The following MTUS1 variants were observed in gnomAD, a reference collection of about 807,000 sequenced individuals.
MTUS1 encodes microtubule associated scaffold protein 1.
MTUS1 carries 109 observed loss-of-function variants against 120.8 expected under a neutral mutation model. The ratio of observed to expected loss-of-function variants is 0.90; its 90% confidence interval spans 0.77 to 1.06. MTUS1 has a LOEUF of 1.06. MTUS1 is among the 50% of genes least tolerant of loss of function. The pLI, the probability that MTUS1 is intolerant of heterozygous loss-of-function variation, is 0.00. For missense variants in MTUS1, 2,210 were observed against 1,486.3 expected (o/e 1.49, Z -8.01); for synonymous variants, 737 against 550.5 (o/e 1.34, Z -4.74).
chr8:17,653,690 T>A, intron 10 of MTUS1, 192 bp from the exon 11 acceptor site: 1 of 510,980 alleles, frequency 2.0e-6, no homozygotes, highest in East Asian at 3.5e-5. Flanking sequence ...GGGTAGACAT[T>A]CCCATTTTAT....
At chr8:17,662,849 A>G (rs1180195712) in intron 8 of MTUS1, among the ~76,000 whole-genome samples, 1 of 151,912 alleles carries the variant, frequency 6.6e-6, no homozygotes, top group Non-Finnish European at 1.5e-5. Context: ...AAAGAGAAAA[A>G]AAAAAAAAGA....
At position 17,707,917 on chromosome 8, in the gene MTUS1, A is replaced by T. The variant is rs150861890; in HGVS notation, c.2623+5297T>A. 7.9e-5 allele frequency among the ~76,000 whole-genome samples: 12 copies of T among 152,344 alleles called. No homozygotes were observed. In the Middle Eastern group the frequency reaches 0.014, roughly 173 times the overall value. Reference sequence around the variant, plus strand: ...CCTGGATGTCCATGTGCAAAAAAGAATTAGACCTTCTATCTCATACCATAT... The same window carrying T: ...CCTGGATGTCCATGTGCAAAAAAGATTTAGACCTTCTATCTCATACCATAT... On this transcript the variant is annotated intron_variant, in intron 6 of 14. Coordinates refer to ENST00000693296, the MANE Select transcript of MTUS1 (RefSeq NM_001363059.2).
At chr8:17,711,378 T>A (rs1437800632) in intron 6 of MTUS1, among the ~76,000 whole-genome samples, 1 of 152,232 alleles carries the variant, frequency 6.6e-6, no homozygotes, top group Non-Finnish European at 1.5e-5. Flanking sequence ...CATCAGCACT[T>A]GCTGCTTCGC....
intron 12 of MTUS1, chr8:17,651,658 C>T (rs1473037517): frequency 6.6e-6 from 1 of 152,056 alleles, no homozygotes; most frequent in African/African-American, 2.4e-5. Context: ...ATTTTCTCCT[C>T]CTCCTCTGCC....
At chr8:17,717,679 T>C (rs1051050284) in intron 4 of MTUS1, among the ~76,000 whole-genome samples, 1 of 152,138 alleles carries the variant, frequency 6.6e-6, no homozygotes, top group African/African-American at 2.4e-5. Flanking sequence ...AAGAGATCAG[T>C]AAAAAGATTT....
rs773731395 is a variant in MTUS1 at position 17,723,726 on chromosome 8, T to C, written c.2395A>G (p.Ser799Gly). The change falls in exon 4 of 15, where the codon AGC becomes GGC. Residue 799 changes from serine to glycine, a missense_variant. By Grantham distance (56) the Ser-to-Gly change is moderately conservative (BLOSUM62 0). Transcript: ENST00000693296. ...TGGGTGCTGGCTATTGAGGGGGTGC[T>C]TCCTGTCCTCCGCAGCGCAGGACTT... ...LKSPALRRTG[S>G]TPSIASTHSE... 1 of 1,611,000 alleles carries C rather than the reference T, an allele frequency of 6.2e-7. No individual in the cohort carries two copies. Among genetic ancestry groups the C allele is most frequent in the Non-Finnish European group, 8.5e-7 (1 of 1,177,894 alleles).
In MTUS1 at chr8:17,754,692, A is replaced by G; in HGVS notation, c.1116T>C (p.Thr372=). 1 of 1,614,180 alleles carries G rather than the reference A, an allele frequency of 6.2e-7. No homozygotes were observed. The highest frequency in any genetic ancestry group is 8.5e-7 in the Non-Finnish European group (1 of 1,180,026). The change falls in exon 2 of 15, where the codon ACT becomes ACC. Residue 372 remains threonine, a synonymous_variant. Transcript: ENST00000693296. ...AGACCATTTGTGTGTCTTCAGTCTC[A>G]GTGACTTTATGCTCTGGGTTCAGCA... ...AQVLNPEHKV[T]ETEDTQMVSK...
At chr8:17,789,242 G>C (rs2131574143) in intron 1 of MTUS1, among the ~76,000 whole-genome samples, 1 of 152,192 alleles carries the variant, frequency 6.6e-6, no homozygotes, top group Non-Finnish European at 1.5e-5. Flanking sequence ...ATTTGGTCAG[G>C]CTGGTCTCCA....
chr8:17,694,403 T>C (rs1817551343), intron 6 of MTUS1, among the ~76,000 whole-genome samples: 1 of 152,184 alleles, frequency 6.6e-6, no homozygotes, highest in Admixed American at 6.5e-5. Context: ...TGGTAGCTCA[T>C]GTCTGTAATC....
chr8:17,799,007 C>A (rs1298389739), intron 1 of MTUS1, among the ~76,000 whole-genome samples: 4 of 117,842 alleles, frequency 3.4e-5, no homozygotes, highest in African/African-American at 3.1e-5. Context: ...CACCTATAAA[C>A]CTGGGAAGAA....
At chr8:17,788,210 TATA>T in intron 1 of MTUS1, among the ~76,000 whole-genome samples, 1 of 152,328 alleles carries the variant, frequency 6.6e-6, no homozygotes, top group South Asian at 2.1e-4. Flanking sequence ...TCAAAACTCA[TATA>T]ATTGCACACT....
chr8:17,648,013 T>G (rs1166319077), intron 13 of MTUS1, among the ~76,000 whole-genome samples: 1 of 151,992 alleles, frequency 6.6e-6, no homozygotes, highest in Non-Finnish European at 1.5e-5. Flanking sequence ...AGAAAAGGAG[T>G]CTACGTTCAG....
chr8:17,753,950 A>T lies in MTUS1; in HGVS notation c.1858T>A (p.Ser620Thr), dbSNP rs2048383265. Residue 620 changes from serine to threonine, a missense_variant, in exon 2 of 15, where the codon TCT becomes ACT. Coordinates refer to ENST00000693296, the MANE Select transcript of MTUS1 (RefSeq NM_001363059.2). Reference protein sequence around the residue: ...SNQEDVDKASSSNSACETGSV... With the variant: ...SNQEDVDKASTSNSACETGSV... Reference sequence around the variant, plus strand: ...CCGGTCTCGCATGCTGAGTTAGAAGAACTGGCTTTGTCAACATCTTCCTGA... The same window carrying T: ...CCGGTCTCGCATGCTGAGTTAGAAGTACTGGCTTTGTCAACATCTTCCTGA... The T allele has an allele frequency of 6.2e-7, 1 of 1,614,204 alleles. No individual in the cohort carries two copies. Among genetic ancestry groups the T allele is most frequent in the African/African-American group, 1.3e-5 (1 of 75,040 alleles).
Position 17,684,502 on chromosome 8 carries a change from G to C in MTUS1, c.2664C>G (p.Ile888Met). ...SRQKNPRSLC[I>M]QPQTAPDALP... The stretch of plus-strand genomic sequence containing the variant: ...GCGCATCGGGAGCTGTCTGTGGCTG[G>C]ATACATAAGCTTCGAGGATTCTTTT... The change falls in exon 7 of 15, where the codon ATC becomes ATG. Residue 888 changes from isoleucine (I) to methionine (M), a missense_variant. Ile to Met is a conservative substitution (Grantham distance 10, BLOSUM62 1). Coordinates refer to ENST00000693296, the MANE Select transcript of MTUS1 (RefSeq NM_001363059.2). 2 of 1,614,132 alleles carry C rather than the reference G, an allele frequency of 1.2e-6. No individual in the cohort carries two copies. The highest frequency in any genetic ancestry group is 1.7e-6 in the Non-Finnish European group (2 of 1,180,024).
chr8:17,736,127 C>G (rs899560631), intron 3 of MTUS1, among the ~76,000 whole-genome samples: 2 of 152,224 alleles, frequency 1.3e-5, no homozygotes, highest in Non-Finnish European at 2.9e-5. Flanking sequence ...AATGGGCAAG[C>G]CTGCACTGTG....
chr8:17,698,320 G>A (rs942566228), intron 6 of MTUS1, among the ~76,000 whole-genome samples: 1 of 152,122 alleles, frequency 6.6e-6, no homozygotes, highest in Non-Finnish European at 1.5e-5. Context: ...AATATCTTTT[G>A]CCAGTTATCT....
chr8:17,670,133 C>A (rs1811717159), intron 8 of MTUS1, among the ~76,000 whole-genome samples: 1 of 152,162 alleles, frequency 6.6e-6, no homozygotes, highest in Non-Finnish European at 1.5e-5. Context: ...GTAAGTGAAT[C>A]ATATCGACCC....
At chr8:17,684,064 G>GT (rs750138856) in intron 7 of MTUS1, among the ~76,000 whole-genome samples, 5 of 152,176 alleles carry the variant, frequency 3.3e-5, no homozygotes, top group Non-Finnish European at 5.9e-5. Context: ...ATACACCGGC[G>GT]TAAGAGGCAA....
chr8:17,646,832 A>G (rs1169331245), intron 14 of MTUS1, 150 bp downstream of exon 14: 5 of 632,144 alleles, frequency 7.9e-6, no homozygotes, highest in Non-Finnish European at 1.4e-5. Flanking sequence ...AACTACTACA[A>G]TCATATTTTC....
Sources: allele counts gnomAD v4.1 joint callset (sites outside exome capture counted in the v4.1 genomes callset), GRCh38; gene constraint gnomAD v4.1.1; transcripts MANE v1.5; gene names NCBI Gene and HGNC (gene_info 2026-07-23, HGNC 2026-07-21).